CFAP263: variants seen among roughly 807,000 people sequenced by gnomAD.
CFAP263 encodes the protein cilia- and flagella-associated protein 263.
chr16:58,267,456 C>T, the CFAP263 span: 2 of 1,527,008 alleles, frequency 1.3e-6, no homozygotes, highest in Admixed American at 1.7e-5. Context: ...TAGCTCAAGA[C>T]TTGCTGTGTT....
At chr16:58,250,059 A>G in the CFAP263 span, 1 of 1,600,730 alleles carries the variant, frequency 6.2e-7, no homozygotes, top group Non-Finnish European at 8.5e-7. Flanking sequence ...ACTCCCATGA[A>G]GGGTCGGAGC....
the CFAP263 span, among the ~76,000 whole-genome samples, chr16:58,262,763 G>GTAGGTAGATAGATAGA: frequency 7.7e-5 from 6 of 78,412 alleles, no homozygotes; most frequent in African/African-American, 2.8e-4. Flanking sequence ...TAGATGATAG[G>GTAGGTAGATAGATAGA]TAGATAGATA....
At chr16:58,278,548 C>G in the CFAP263 span, 1 of 1,614,158 alleles carries the variant, frequency 6.2e-7, no homozygotes, top group South Asian at 1.1e-5. Context: ...CCGGGCACCA[C>G]AGGTGATGAC....
At chr16:58,260,422 C>T in the CFAP263 span, among the ~76,000 whole-genome samples, 7 of 152,294 alleles carry the variant, frequency 4.6e-5, no homozygotes, top group African/African-American at 4.8e-5. Context: ...ATTAAAACCA[C>T]GAGGTTTGTG....
chr16:58,255,754 G>A, the CFAP263 span, among the ~76,000 whole-genome samples: 1 of 151,898 alleles, frequency 6.6e-6, no homozygotes, highest in African/African-American at 2.4e-5. Context: ...TAGTAGAGAC[G>A]GGGTTTCACC....
chr16:58,259,251 T>C, the CFAP263 span, among the ~76,000 whole-genome samples: 16 of 152,194 alleles, frequency 1.1e-4, no homozygotes, highest in Non-Finnish European at 2.2e-4. Context: ...AAAATTGTTA[T>C]AGAGATGAGG....
the CFAP263 span, chr16:58,281,164 A>G: frequency 1.1e-5 from 2 of 175,506 alleles, no homozygotes; most frequent in African/African-American, 2.4e-5. Context: ...ACTTCCTGCC[A>G]CCTGGCAACT....
the CFAP263 span, among the ~76,000 whole-genome samples, chr16:58,254,393 C>A: frequency 6.6e-6 from 1 of 152,170 alleles, no homozygotes. Context: ...GAGAGGCTAG[C>A]ACAACAAACC....
chr16:58,267,427 C>T, the CFAP263 span: 9 of 1,197,862 alleles, frequency 7.5e-6, no homozygotes, highest in South Asian at 5.1e-5. Context: ...CCCCTTCCTG[C>T]GGTTCTGAGA....
the CFAP263 span, among the ~76,000 whole-genome samples, chr16:58,258,750 C>T: frequency 4.6e-5 from 7 of 152,064 alleles, no homozygotes; most frequent in Non-Finnish European, 1.0e-4. Flanking sequence ...CTTTGGGAGG[C>T]TGAGGCGGGT....
the CFAP263 span, chr16:58,262,658 C>A: frequency 2.2e-6 from 2 of 908,042 alleles, no homozygotes; most frequent in Non-Finnish European, 3.2e-6. Context: ...CCCTCGCTGT[C>A]AAGCCATGTG....
At chr16:58,279,892 AC>A in the CFAP263 span, 1 of 830,896 alleles carries the variant, frequency 1.2e-6, no homozygotes, top group Non-Finnish European at 1.9e-6. Context: ...CCAACCCCCC[AC>A]CCAGGCTGCG....
At chr16:58,264,018 C>T in the CFAP263 span, among the ~76,000 whole-genome samples, 3 of 152,154 alleles carry the variant, frequency 2.0e-5, no homozygotes, top group Non-Finnish European at 4.4e-5. Context: ...CAGTATGCAT[C>T]CCACCTAACT....
chr16:58,250,738 C>A, the CFAP263 span, among the ~76,000 whole-genome samples: 1 of 144,204 alleles, frequency 6.9e-6, no homozygotes, highest in East Asian at 2.0e-4. Context: ...GCACCCCAGC[C>A]TGGGCAACAG....
the CFAP263 span, chr16:58,262,669 T>G: frequency 1.2e-6 from 1 of 803,872 alleles, no homozygotes; most frequent in Non-Finnish European, 1.9e-6. Context: ...AAGCCATGTG[T>G]CCTAAAATTC....
At chr16:58,259,978 T>A in the CFAP263 span, 1 of 1,362,490 alleles carries the variant, frequency 7.3e-7, no homozygotes. Flanking sequence ...TTTTTAAGGT[T>A]ACTGTGGTAG....
the CFAP263 span, among the ~76,000 whole-genome samples, chr16:58,264,309 G>A: frequency 6.6e-6 from 1 of 152,278 alleles, no homozygotes; most frequent in Non-Finnish European, 1.5e-5. Flanking sequence ...CTGGTCCTGT[G>A]GGGGAAAAGC....
chr16:58,277,630 A>G, the CFAP263 span, among the ~76,000 whole-genome samples: 1 of 148,584 alleles, frequency 6.7e-6, no homozygotes, highest in East Asian at 2.0e-4. Context: ...TGACAGCACC[A>G]TTCTTCACAA....
the CFAP263 span, among the ~76,000 whole-genome samples, chr16:58,272,176 C>T: frequency 7.9e-5 from 12 of 152,064 alleles, no homozygotes; most frequent in East Asian, 1.9e-4. Context: ...CCACCACGCC[C>T]GGCTAATTTT....
Sources: allele counts gnomAD v4.1 joint callset (sites outside exome capture counted in the v4.1 genomes callset), GRCh38; gene constraint gnomAD v4.1.1; transcripts MANE v1.5; gene names NCBI Gene and HGNC (gene_info 2026-07-23, HGNC 2026-07-21).